BIN1: variants seen among roughly 807,000 people sequenced by gnomAD.
BIN1 encodes the protein bridging integrator 1.
A neutral mutation model predicts 82.0 loss-of-function variants in BIN1; 53 were observed. The observed-to-expected ratio is 0.65, with a 90% CI of 0.52 to 0.81. The LOEUF (loss-of-function observed/expected upper bound fraction) is 0.81. Among genes scored for constraint, BIN1 ranks in the 40% least tolerant of loss-of-function variants. The pLI is 0.00. For missense variants in BIN1, 642 were observed against 784.4 expected (o/e 0.82, Z 2.17); for synonymous variants, 302 against 328.0 (o/e 0.92, Z 0.86).
chr2:127,106,859 C>T lies in BIN1; in HGVS notation c.84+1G>A, dbSNP rs1364583460. ...GGCTGCTGGGGCTCCGGCTCGCTCA[C>T]CTTCTCCTGCGCGCGGGTGAGCTTC... On this transcript the variant is annotated splice_donor_variant, in intron 1 of 18. Coordinates refer to ENST00000316724, the MANE Select transcript of BIN1 (RefSeq NM_139343.3). LOFTEE classifies it high-confidence loss of function. 1.2e-6 allele frequency: 2 copies of T among 1,605,966 alleles called. No homozygotes were observed. The highest frequency in any genetic ancestry group is 1.3e-5 in the African/African-American group (1 of 74,618).
At chr2:127,052,187 C>T in intron 15 of BIN1, 68 bp downstream of exon 15, 7 of 1,476,030 alleles carry the variant, frequency 4.7e-6, no homozygotes, top group Non-Finnish European at 6.5e-6. Context: ...CTCCTCGGGG[C>T]TCTCCTTCCA....
At chr2:127,086,122 AC>A (rs1234413705) in intron 1 of BIN1, among the ~76,000 whole-genome samples, 1 of 152,166 alleles carries the variant, frequency 6.6e-6, no homozygotes, top group East Asian at 1.9e-4. Context: ...TCCCTAGGCC[AC>A]CCTGAGGTGA....
At position 127,050,592 on chromosome 2, in the gene BIN1, G is replaced by T. The variant is rs1347591502; in HGVS notation, c.1573-70C>A. The stretch of plus-strand genomic sequence containing the variant: ...CAGCCCTGCACAGAGCACGGGCCTT[G>T]CGTGTGGGAGGTGCAGGTGGCAGTA... On this transcript the variant is annotated intron_variant, in intron 17 of 18. Coordinates refer to ENST00000316724, the MANE Select transcript of BIN1 (RefSeq NM_139343.3). 5.8e-6 allele frequency: 9 copies of T among 1,554,434 alleles called. No homozygotes were observed. The African/African-American group carries it at 8.2e-5, about 14-fold the overall frequency.
At chr2:127,050,999 G>C (rs569414275) in intron 16 of BIN1, 87 bp from the exon 17 acceptor site, 94 of 1,513,468 alleles carry the variant, frequency 6.2e-5, no homozygotes, top group Non-Finnish European at 8.3e-5. Context: ...GGGGAGGGGA[G>C]AAAGGTGTCT....
Position 127,053,905 on chromosome 2 carries a change from C to T in BIN1, c.1239G>A (p.Gln413=). The change falls in exon 13 of 19, where the codon CAG becomes CAA. Residue 413 remains glutamine, a splice_region_variant and synonymous_variant. Transcript: ENST00000316724. ...ATGGGCAGTGGTGGGCACAACCAAC[C>T]TGACCAGAGGGCGTGGGTGCCTTCA... ...SPVKAPTPSG[Q]SIPWDLWEPT... The T allele has an allele frequency of 6.4e-7, 1 of 1,551,088 alleles. No individual in the cohort carries two copies. The highest frequency in any genetic ancestry group is 8.7e-7 in the Non-Finnish European group (1 of 1,146,876).
At position 127,082,034 on chromosome 2, in the gene BIN1, G is replaced by A. The variant is rs1487556873; in HGVS notation, c.85-5328C>T. 6.6e-6 allele frequency among the ~76,000 whole-genome samples: 1 copy of A among 152,124 alleles called. No individual in the cohort carries two copies. The highest frequency in any genetic ancestry group is 2.4e-5 in the African/African-American group (1 of 41,418). On this transcript the variant is annotated intron_variant, in intron 1 of 18. Transcript: ENST00000316724. This position sits in a 1 kb window ranked among gnomAD's most constrained non-coding sequence, Gnocchi z 6.1. ...GGACAGGCAGGCGGGCAGGGGGAAG[G>A]CCACTGTCAGACACCCGGCCAGGCT...
chr2:127,072,820 G>A (rs1360619272), intron 2 of BIN1, among the ~76,000 whole-genome samples: 3 of 152,132 alleles, frequency 2.0e-5, no homozygotes, highest in Admixed American at 6.5e-5. Context: ...CCGCGGGGCC[G>A]GGGAATGAGG....
At chr2:127,051,389 C>G (rs1303055661) in intron 15 of BIN1, 146 bp from the exon 16 acceptor site, 3 of 821,768 alleles carry the variant, frequency 3.7e-6, no homozygotes, top group Non-Finnish European at 6.0e-6. Context: ...CCCAGTGCCT[C>G]GAAGAATCCA....
chr2:127,100,150 A>G lies in BIN1; in HGVS notation c.84+6710T>C, dbSNP rs559617250. Reference sequence around the variant, plus strand: ...GAATAAACTGGAGACAACTTTTACTATTTGGGAAAAAACACACAGCACAGG... The same window carrying G: ...GAATAAACTGGAGACAACTTTTACTGTTTGGGAAAAAACACACAGCACAGG... On this transcript the variant is annotated intron_variant, in intron 1 of 18. Transcript: ENST00000316724. Among the ~76,000 whole-genome samples the G allele has an allele frequency of 7.9e-5, 12 of 152,274 alleles. No homozygotes were observed. The South Asian group carries it at 1.7e-3, about 21-fold the overall frequency.
chr2:127,070,807 T>C lies in BIN1; in HGVS notation c.175A>G (p.Thr59Ala), dbSNP rs1573650224. 1 of 1,612,078 alleles carries C rather than the reference T, an allele frequency of 6.2e-7. No individual in the cohort carries two copies. The highest frequency in any genetic ancestry group is 8.5e-7 in the Non-Finnish European group (1 of 1,179,866). The stretch of plus-strand genomic sequence containing the variant: ...GTCCGGAGATCCTTCTGCAGCCGGG[T>C]GCCCTCCGTCTGCAAAGAGAAGGAC... The part of the protein sequence containing the change: ...QNFNKQLTEG[T>A]RLQKDLRTYL... Residue 59 changes from threonine to alanine, a missense_variant, in exon 3 of 19, where the codon ACC (threonine) becomes GCC (alanine). Physicochemically the swap from Thr to Ala is moderately conservative, Grantham distance 58 (BLOSUM62 0). Coordinates refer to ENST00000316724, the MANE Select transcript of BIN1 (RefSeq NM_139343.3).
chr2:127,106,253 G>T (rs558930743), intron 1 of BIN1, among the ~76,000 whole-genome samples: 90 of 152,348 alleles, frequency 5.9e-4, no homozygotes, highest in African/African-American at 1.9e-3. Context: ...GGTGGGGCCG[G>T]GCTGGGCGGG....
chr2:127,089,505 G>T (rs1678628259), intron 1 of BIN1, among the ~76,000 whole-genome samples: 1 of 152,164 alleles, frequency 6.6e-6, no homozygotes, highest in Admixed American at 6.5e-5. Flanking sequence ...ACACGTGTTG[G>T]GGTAACAGCT....
rs566735827 is a variant in BIN1 at position 127,104,429 on chromosome 2, C to T, written c.84+2431G>A. On this transcript the variant is annotated intron_variant, in intron 1 of 18. Coordinates refer to ENST00000316724, the MANE Select transcript of BIN1 (RefSeq NM_139343.3). ...CTCACAGTCTGGATGTTTGTTTGGG[C>T]TGGAAGTGGATGTGGGAAGGCCGGG... Among the ~76,000 whole-genome samples the T allele has an allele frequency of 3.2e-4, 49 of 152,222 alleles. No individual in the cohort carries two copies. In the South Asian group the frequency reaches 9.1e-3, roughly 28 times the overall value.
chr2:127,050,184 C>T lies in BIN1; in HGVS notation c.1674+237G>A, dbSNP rs558650714. ...AGAAAGCAGAGGCTACAGGAAGAAG[C>T]GGGTATGGGGACAGGGAGAGAGAGA... On this transcript the variant is annotated intron_variant, in intron 18 of 18. Coordinates refer to ENST00000316724, the MANE Select transcript of BIN1 (RefSeq NM_139343.3). 4.6e-5 allele frequency among the ~76,000 whole-genome samples: 7 copies of T among 151,918 alleles called. No homozygotes were observed. In the East Asian group the frequency reaches 1.2e-3, roughly 25 times the overall value.
chr2:127,057,513 T>C lies in BIN1; in HGVS notation c.1091A>G (p.Asp364Gly), dbSNP rs1428581848. Residue 364 changes from aspartate to glycine, a missense_variant, in exon 12 of 19, where the codon GAC becomes GGC. By Grantham distance (94) the Asp-to-Gly change is moderately conservative. Coordinates refer to ENST00000316724, the MANE Select transcript of BIN1 (RefSeq NM_139343.3). This position sits in a 1 kb window ranked among gnomAD's most constrained non-coding sequence, Gnocchi z 5.0. Reference protein sequence around the residue: ...KQEQILSLFEDTFVPEISVTT... With the variant: ...KQEQILSLFEGTFVPEISVTT... ...CACGCTGATCTCAGGGACAAACGTGTCCTCAAACAGGCTGAGGATCTGCTC... is the reference window on the plus strand; with the variant it reads ...CACGCTGATCTCAGGGACAAACGTGCCCTCAAACAGGCTGAGGATCTGCTC... 6.5e-7 allele frequency: 1 copy of C among 1,546,818 alleles called. No homozygotes were observed. Among genetic ancestry groups the C allele is most frequent in the South Asian group, 1.2e-5 (1 of 83,474 alleles).
In BIN1 at chr2:127,093,001, A is replaced by G. The variant is rs904632667; in HGVS notation, c.84+13859T>C. Among the ~76,000 whole-genome samples, 12 of 151,444 alleles carry G rather than the reference A, an allele frequency of 7.9e-5. No individual in the cohort carries two copies. The highest frequency in any genetic ancestry group is 1.6e-4 in the Non-Finnish European group (11 of 67,932). On this transcript the variant is annotated intron_variant, in intron 1 of 18. Transcript: ENST00000316724. The surrounding 1 kb of genome is among the most constrained non-coding windows in gnomAD (Gnocchi z 5.7). ...CCAATCCCTCTAAAAAAAAAAAAAA[A>G]TCCCAGGAGGGAGCCAAAGGAGTGG...
At chr2:127,081,042 C>G (rs779023537) in intron 1 of BIN1, among the ~76,000 whole-genome samples, 2 of 152,208 alleles carry the variant, frequency 1.3e-5, no homozygotes, top group African/African-American at 4.8e-5. Flanking sequence ...AGTGAGAGGG[C>G]AGAAGGCCCT....
intron 2 of BIN1, among the ~76,000 whole-genome samples, chr2:127,073,649 T>C (rs946921026): frequency 1.4e-4 from 22 of 152,182 alleles, no homozygotes; most frequent in African/African-American, 5.3e-4. Flanking sequence ...CAGCCATCAA[T>C]TCGGGGGGCG....
intron 1 of BIN1, among the ~76,000 whole-genome samples, chr2:127,092,957 G>A (rs1679124795): frequency 6.6e-6 from 1 of 151,750 alleles, no homozygotes; most frequent in Non-Finnish European, 1.5e-5. Context: ...GTAAGGGGCT[G>A]AGCAGACAGA....
Sources: gnomAD v4.1 joint callset for allele counts (sites outside exome capture counted in the v4.1 genomes callset) on GRCh38, gnomAD v4.1.1 for gene constraint, Gnocchi (gnomAD v3.1) non-coding constraint, MANE v1.5 for transcripts, NCBI Gene and HGNC (gene_info 2026-07-23, HGNC 2026-07-21) for gene names.